Variants in MVK observed in about 807,000 individuals in gnomAD.
The protein encoded by MVK is LH receptor mRNA-binding protein.
MVK carries 34 observed loss-of-function variants against 43.2 expected under a neutral mutation model. The observed-to-expected ratio is 0.79, with a 90% CI of 0.60 to 1.05. The LOEUF (loss-of-function observed/expected upper bound fraction) is 1.05, where lower values mean the gene tolerates loss of function less well. MVK is among the 50% of genes least tolerant of loss of function. The probability of loss-of-function intolerance (pLI) is 0.00; values close to 1 mark genes in which losing one functional copy is unlikely to be tolerated. For synonymous variants in MVK, 190 were observed against 219.8 expected (o/e 0.86, Z 1.20); for missense variants, 395 against 504.0 (o/e 0.78, Z 2.07).
upstream of MVK, chr12:109,573,302 G>C (rs375777677): frequency 4.1e-4 from 662 of 1,611,836 alleles, no homozygotes; most frequent in Non-Finnish European, 5.5e-4. Flanking sequence ...ACGACACCAC[G>C]ATTCACGGCA....
At chr12:109,579,532 A>G (rs1313856750) in intron 3 of MVK, among the ~76,000 whole-genome samples, 1 of 152,238 alleles carries the variant, frequency 6.6e-6, no homozygotes, top group Non-Finnish European at 1.5e-5. Flanking sequence ...TGACAACCGT[A>G]AGAAGAGGCA....
chr12:109,596,755 A>G lies in MVK; in HGVS notation c.*178A>G. 2.2e-6 allele frequency: 2 copies of G among 926,276 alleles called. No individual in the cohort carries two copies. Among genetic ancestry groups the G allele is most frequent in the Admixed American group, 4.3e-5 (2 of 47,050 alleles). The allele number at this position is 926,276 out of a possible 1,614,324, so 57.4% of individuals were successfully genotyped here. A position where few individuals can be genotyped will look rare whatever the true frequency, so the allele number is the denominator to read the frequency against. On this transcript the variant is annotated 3_prime_UTR_variant, in exon 11 of 11. Transcript: ENST00000228510. Reference sequence around the variant, plus strand: ...TCCCAGCGGTGGGACCTAGGGAGGCATGGTCTGCCCTCTGCATCCTCTGGA... The same window carrying G: ...TCCCAGCGGTGGGACCTAGGGAGGCGTGGTCTGCCCTCTGCATCCTCTGGA...
intron 2 of MVK, among the ~76,000 whole-genome samples, chr12:109,575,273 C>A (rs931909016): frequency 2.0e-5 from 3 of 152,144 alleles, no homozygotes; most frequent in African/African-American, 4.8e-5. Flanking sequence ...CTTACAGCTA[C>A]CCCCAAGGCA....
At position 109,585,866 on chromosome 12, in the gene MVK, C is replaced by T. The variant is rs147258335; in HGVS notation, c.528-156C>T. Among the ~76,000 whole-genome samples, 554 of 152,344 alleles carry T rather than the reference C, an allele frequency of 3.6e-3. 2 individuals are homozygous for T. The highest frequency in any genetic ancestry group is 0.013 in the African/African-American group (520 of 41,582). On this transcript the variant is annotated intron_variant, in intron 5 of 10. Coordinates refer to ENST00000228510, the MANE Select transcript of MVK (RefSeq NM_000431.4). Reference sequence around the variant, plus strand: ...CAGAGGGAAGGGCGCACACTTGGCACGCTCCGTAGCTGGAGAGGTTCAGAG... The same window carrying T: ...CAGAGGGAAGGGCGCACACTTGGCATGCTCCGTAGCTGGAGAGGTTCAGAG...
intron 3 of MVK, among the ~76,000 whole-genome samples, chr12:109,577,209 C>T (rs1316790214): frequency 1.3e-5 from 2 of 152,230 alleles, no homozygotes; most frequent in African/African-American, 4.8e-5. Flanking sequence ...CACTCATAAG[C>T]AGGCCAGCTT....
In MVK at chr12:109,590,811, C is replaced by T. The variant is rs758952837; in HGVS notation, c.718C>T (p.Pro240Ser). The part of the protein sequence containing the change: ...LQILLTNTKV[P>S]RNTRALVAGV... ...GATCCTGCTGACCAACACCAAAGTC[C>T]CTCGCAATACCAGGGCCCTTGTGGC... The change falls in exon 8 of 11, where the codon CCT becomes TCT. Residue 240 changes from proline (P) to serine (S), a missense_variant. Physicochemically the swap from Pro to Ser is moderately conservative, Grantham distance 74. Coordinates refer to ENST00000228510, the MANE Select transcript of MVK (RefSeq NM_000431.4). 1.2e-5 allele frequency: 20 copies of T among 1,614,214 alleles called. No individual in the cohort carries two copies. Among genetic ancestry groups the T allele is most frequent in the Non-Finnish European group, 1.7e-5 (20 of 1,180,032 alleles).
Position 109,595,667 on chromosome 12 carries a change from G to T in MVK, c.1039+486G>T, listed in dbSNP as rs1253964016. Among the ~76,000 whole-genome samples, 5 of 152,142 alleles carry T rather than the reference G, an allele frequency of 3.3e-5. No homozygotes were observed. Among genetic ancestry groups the T allele is most frequent in the Non-Finnish European group, 7.3e-5 (5 of 68,030 alleles). ...CCTGGTGCCTGGGGGCCTGGCAAGG[G>T]GCTTCTGCTAGTGTTTAACCACCTG... On this transcript the variant is annotated intron_variant, in intron 10 of 10. Coordinates refer to ENST00000228510, the MANE Select transcript of MVK (RefSeq NM_000431.4). The surrounding 1 kb of genome is among the most constrained non-coding windows in gnomAD (Gnocchi z 5.9).
At chr12:109,592,028 G>C (rs1885705196) in intron 9 of MVK, among the ~76,000 whole-genome samples, 1 of 152,218 alleles carries the variant, frequency 6.6e-6, no homozygotes, top group African/African-American at 2.4e-5. Flanking sequence ...TGGATTGCTT[G>C]AGTCCAGGAG....
intron 7 of MVK, chr12:109,590,000 G>A (rs945656997): frequency 1.4e-4 from 22 of 155,670 alleles, no homozygotes; most frequent in African/African-American, 5.0e-4. Flanking sequence ...ATGTGCCAGA[G>A]GGCAGCCAAG....
Position 109,596,335 on chromosome 12 carries a change from G to A in MVK, c.1040-91G>A, listed in dbSNP as rs940693113. ...GGTGGGTCACAGCCAGGAAGGCACA[G>A]CAGGAAGGCCTGGGCTTTTGCCTTG... is the stretch of plus-strand genomic sequence containing the variant. On this transcript the variant is annotated intron_variant, in intron 10 of 10. Transcript: ENST00000228510. 89 of 1,529,404 alleles carry A rather than the reference G, an allele frequency of 5.8e-5. No homozygotes were observed. The highest frequency in any genetic ancestry group is 7.1e-5 in the Non-Finnish European group (81 of 1,136,468). The allele number at this position is 1,529,404 out of a possible 1,614,324, so 94.7% of individuals were successfully genotyped here.
In MVK at chr12:109,590,858, C is replaced by A. The variant is rs1318953096; in HGVS notation, c.765C>A (p.Leu255=). 1 of 1,614,106 alleles carries A rather than the reference C, an allele frequency of 6.2e-7. No homozygotes were observed. Among genetic ancestry groups the A allele is most frequent in the Admixed American group, 1.7e-5 (1 of 60,016 alleles). Residue 255 remains leucine (L), a synonymous_variant, in exon 8 of 11, where the codon CTC becomes CTA. Coordinates refer to ENST00000228510, the MANE Select transcript of MVK (RefSeq NM_000431.4). ...ALVAGVRNRL[L]KFPEIVAPLL... ...TGGCTGGCGTCAGAAACAGGCTGCT[C>A]AAGGTGACTCTTGTTCCCTTCTTGG...
intron 5 of MVK, among the ~76,000 whole-genome samples, chr12:109,583,703 A>T (rs1453322831): frequency 6.6e-6 from 1 of 152,204 alleles, no homozygotes; most frequent in Non-Finnish European, 1.5e-5. Flanking sequence ...GAACTAGTTT[A>T]CAGTCCCACC....
upstream of MVK, chr12:109,573,627 C>G: frequency 1.0e-6 from 1 of 962,106 alleles, no homozygotes; most frequent in Non-Finnish European, 1.6e-6. Context: ...CTCCCAGGGA[C>G]TTGTTTCCCA....
In MVK at chr12:109,579,965, G is replaced by T; in HGVS notation, c.371+19G>T. 1 of 1,614,160 alleles carries T rather than the reference G, an allele frequency of 6.2e-7. No individual in the cohort carries two copies. The highest frequency in any genetic ancestry group is 8.5e-7 in the Non-Finnish European group (1 of 1,180,028). On this transcript the variant is annotated intron_variant, in intron 4 of 10. Coordinates refer to ENST00000228510, the MANE Select transcript of MVK (RefSeq NM_000431.4). Reference sequence around the variant, plus strand: ...AGCAGAGGTGTGTGCGTGGTCTGGGGAAGGAGTCCAGATTCAGCCTCCCAT... The same window carrying T: ...AGCAGAGGTGTGTGCGTGGTCTGGGTAAGGAGTCCAGATTCAGCCTCCCAT...
intron 5 of MVK, among the ~76,000 whole-genome samples, chr12:109,583,720 G>A (rs1013032585): frequency 6.6e-6 from 1 of 152,320 alleles, no homozygotes; most frequent in South Asian, 2.1e-4. Flanking sequence ...CACCAACAGT[G>A]TAAAAGTGTT....
chr12:109,581,245 A>G, intron 4 of MVK, 150 bp from the exon 5 acceptor site: 1 of 948,654 alleles, frequency 1.1e-6, no homozygotes, highest in Non-Finnish European at 1.7e-6. Context: ...CCTGATGTTC[A>G]ATAGGGATAC....
At chr12:109,581,244 C>A in intron 4 of MVK, 151 bp from the exon 5 acceptor site, 1 of 941,206 alleles carries the variant, frequency 1.1e-6, no homozygotes, top group Non-Finnish European at 1.7e-6. Context: ...TCCTGATGTT[C>A]AATAGGGATA....
Position 109,597,906 on chromosome 12 carries a change from T to C in MVK, c.*1329T>C, listed in dbSNP as rs921018906. 6.6e-6 allele frequency: 1 copy of C among 152,190 alleles called. No homozygotes were observed. Among genetic ancestry groups the C allele is most frequent in the Admixed American group, 6.5e-5 (1 of 15,280 alleles). 9.4% of individuals were successfully genotyped at this position (152,190 alleles called of 1,614,324 possible). On this transcript the variant is annotated 3_prime_UTR_variant, in exon 11 of 11. Coordinates refer to ENST00000228510, the MANE Select transcript of MVK (RefSeq NM_000431.4). ...GGGCAGCTGGCGGCCTTCCCTGCTG[T>C]TGTCTTCCTGCAGGGTGAGAGGAGC... is the stretch of plus-strand genomic sequence containing the variant.
chr12:109,573,309 G>T (rs762266634), upstream of MVK: 51 of 1,611,534 alleles, frequency 3.2e-5, no homozygotes, highest in Non-Finnish European at 4.2e-5. Context: ...CACGATTCAC[G>T]GCAGGTGTTC....
Sources: allele counts gnomAD v4.1 joint callset (sites outside exome capture counted in the v4.1 genomes callset), GRCh38; gene constraint gnomAD v4.1.1; non-coding constraint Gnocchi (gnomAD v3.1); transcripts MANE v1.5; gene names NCBI Gene and HGNC (gene_info 2026-07-23, HGNC 2026-07-21).